ANXA6: variants seen among roughly 807,000 people sequenced by gnomAD.
ANXA6 encodes the protein annexin A6.
ANXA6 carries 71 observed loss-of-function variants against 95.4 expected under a neutral mutation model. The observed-to-expected ratio is 0.74, with a 90% CI of 0.61 to 0.91. The LOEUF is 0.91. Among genes scored for constraint, ANXA6 ranks in the 40% least tolerant of loss-of-function variants. The probability of loss-of-function intolerance (pLI) is 0.00; values close to 1 mark genes in which losing one functional copy is unlikely to be tolerated. For synonymous variants in ANXA6, 289 were observed against 315.9 expected (o/e 0.91, Z 0.90); for missense variants, 830 against 876.4 (o/e 0.95, Z 0.67).
intron 12 of ANXA6, among the ~76,000 whole-genome samples, chr5:151,128,681 A>G (rs1765400112): frequency 6.6e-6 from 1 of 152,244 alleles, no homozygotes; most frequent in Non-Finnish European, 1.5e-5. Flanking sequence ...TATATATTAC[A>G]CAGATGCACA....
chr5:151,152,409 G>C (rs1209142397), intron 1 of ANXA6, among the ~76,000 whole-genome samples: 1 of 152,186 alleles, frequency 6.6e-6, no homozygotes, highest in African/African-American at 2.4e-5. Context: ...TCCTGACCAT[G>C]CAAATTCCGA....
intron 8 of ANXA6, chr5:151,133,391 G>C: frequency 1.8e-6 from 1 of 553,558 alleles, no homozygotes; most frequent in Non-Finnish European, 3.3e-6. Context: ...CTTTGCCATT[G>C]TGTGATCATA....
intron 20 of ANXA6, among the ~76,000 whole-genome samples, chr5:151,114,613 TAA>T (rs61407672): frequency 1.6e-3 from 109 of 70,300 alleles, no homozygotes; most frequent in East Asian, 6.5e-3. Flanking sequence ...GACTCCGTCT[TAA>T]AAAAAAAAAA....
chr5:151,107,644 T>C (rs552638165), intron 23 of ANXA6, among the ~76,000 whole-genome samples: 1 of 152,242 alleles, frequency 6.6e-6, no homozygotes, highest in Non-Finnish European at 1.5e-5. Context: ...AAAAGTGCAT[T>C]GATGCAATGT....
At chr5:151,153,473 G>A (rs138636032) in intron 1 of ANXA6, among the ~76,000 whole-genome samples, 8 of 152,118 alleles carry the variant, frequency 5.3e-5, no homozygotes, top group Non-Finnish European at 1.2e-4. Flanking sequence ...GTATTCCCCC[G>A]CTAGGGTGCT....
intron 22 of ANXA6, 24 bp from the exon 23 acceptor site, chr5:151,108,574 G>A: frequency 1.2e-6 from 2 of 1,606,964 alleles, no homozygotes; most frequent in Non-Finnish European, 1.7e-6. Flanking sequence ...AAGCCCCAGA[G>A]GTGGGGGTGA....
chr5:151,101,496 G>A lies in ANXA6; in HGVS notation c.1974C>T (p.Ser658=), dbSNP rs769574021. The A allele has an allele frequency of 2.0e-5, 31 of 1,560,628 alleles. No homozygotes were observed. Among genetic ancestry groups the A allele is most frequent in the Admixed American group, 9.6e-5 (5 of 52,174 alleles). Residue 658 remains serine, a synonymous_variant, in exon 26 of 26, where the codon TCC becomes TCT. Transcript: ENST00000354546. ...CCAGCAAGGCCTTCAGGAAGTCTCC[G>A]GAGGTGTCACCCTGGCAGAGGCAGA... The part of the protein sequence containing the change: ...SLHQAIEGDT[S]GDFLKALLAL...
chr5:151,140,314 G>T, intron 2 of ANXA6, 71 bp from the exon 3 acceptor site: 2 of 1,286,504 alleles, frequency 1.6e-6, no homozygotes, highest in Non-Finnish European at 2.2e-6. Flanking sequence ...CCAACCTCAG[G>T]TCAGATGCCT....
At chr5:151,148,066 G>A in intron 1 of ANXA6, 140 bp from the exon 2 acceptor site, 1 of 752,130 alleles carries the variant, frequency 1.3e-6, no homozygotes, top group Non-Finnish European at 2.2e-6. Flanking sequence ...CCAGCTCAAG[G>A]CCAATCACAT....
intron 16 of ANXA6, 88 bp from the exon 17 acceptor site, chr5:151,122,348 G>A (rs1765191605): frequency 4.1e-6 from 3 of 724,652 alleles, no homozygotes; most frequent in Middle Eastern, 2.3e-4. Context: ...GAAAACAGGG[G>A]TTCCACATGA....
chr5:151,154,035 C>T (rs1410314008), intron 1 of ANXA6, among the ~76,000 whole-genome samples: 1 of 152,068 alleles, frequency 6.6e-6, no homozygotes, highest in African/African-American at 2.4e-5. Flanking sequence ...GCAAATGGAA[C>T]CATCTACTAT....
chr5:151,109,390 C>T (rs1220214839), intron 22 of ANXA6, among the ~76,000 whole-genome samples: 3 of 152,208 alleles, frequency 2.0e-5, no homozygotes, highest in Non-Finnish European at 2.9e-5. Context: ...CACCACCTCT[C>T]GCTGCCTTGC....
chr5:151,128,376 C>T, intron 12 of ANXA6, 137 bp from the exon 13 acceptor site: 1 of 732,148 alleles, frequency 1.4e-6, no homozygotes, highest in Non-Finnish European at 2.3e-6. Context: ...CCCTCCTGTG[C>T]TGGTTAATAT....
chr5:151,115,301 T>C (rs145916997), intron 20 of ANXA6, among the ~76,000 whole-genome samples: 30 of 152,306 alleles, frequency 2.0e-4, no homozygotes, highest in African/African-American at 6.7e-4. Flanking sequence ...CTCCTTATTT[T>C]CTAGTTTCTA....
At position 151,139,433 on chromosome 5, in the gene ANXA6, C is replaced by G; in HGVS notation, c.124G>C (p.Ala42Pro). 6.2e-7 allele frequency: 1 copy of G among 1,613,422 alleles called. No individual in the cohort carries two copies. The highest frequency in any genetic ancestry group is 8.5e-7 in the Non-Finnish European group (1 of 1,179,480). ...AMKGFGSDKEAILDIITSRSN... is the reference protein window; with the variant it reads ...AMKGFGSDKEPILDIITSRSN... ...CGTGAGGTGATTATGTCCAGTATGGCCTCCTTGTCACTGCCTGGAATAGGG... is the reference window on the plus strand; with the variant it reads ...CGTGAGGTGATTATGTCCAGTATGGGCTCCTTGTCACTGCCTGGAATAGGG... Residue 42 changes from alanine (A) to proline (P), a missense_variant, in exon 4 of 26, where the codon GCC becomes CCC. Physicochemically the swap from Ala to Pro is conservative, Grantham distance 27. Coordinates refer to ENST00000354546, the MANE Select transcript of ANXA6 (RefSeq NM_001155.5).
chr5:151,101,426 A>G lies in ANXA6; in HGVS notation c.*22T>C, dbSNP rs946866319. On this transcript the variant is annotated 3_prime_UTR_variant, in exon 26 of 26. Transcript: ENST00000354546. ...GTGCTGATAACCATTTCTTGGCAGAAGTGCCCGCCAAAGCTGTGGCCCTAG... is the reference window on the plus strand; with the variant it reads ...GTGCTGATAACCATTTCTTGGCAGAGGTGCCCGCCAAAGCTGTGGCCCTAG... 11 of 1,550,528 alleles carry G rather than the reference A, an allele frequency of 7.1e-6. No individual in the cohort carries two copies. In the African/African-American group the frequency reaches 1.5e-4, roughly 21 times the overall value.
At chr5:151,101,875 T>G (rs1764560498) in intron 25 of ANXA6, among the ~76,000 whole-genome samples, 1 of 152,144 alleles carries the variant, frequency 6.6e-6, no homozygotes, top group Non-Finnish European at 1.5e-5. Context: ...AGCAGGGCCC[T>G]CTCCTCTGAG....
chr5:151,120,420 A>G (rs1376055829), intron 17 of ANXA6, among the ~76,000 whole-genome samples: 2 of 143,226 alleles, frequency 1.4e-5, no homozygotes, highest in African/African-American at 5.0e-5. Flanking sequence ...CAACTACAAA[A>G]AAAAAAAAAA....
chr5:151,121,641 T>C (rs79345604), intron 17 of ANXA6, among the ~76,000 whole-genome samples: 7,492 of 152,054 alleles, frequency 0.049, 342 homozygotes, highest in South Asian at 0.19. Context: ...TGTGAGTGAG[T>C]GGCAGGTCTA....
Sources: gnomAD v4.1 joint callset for allele counts (sites outside exome capture counted in the v4.1 genomes callset) on GRCh38, gnomAD v4.1.1 for gene constraint, MANE v1.5 for transcripts, NCBI Gene and HGNC (gene_info 2026-07-23, HGNC 2026-07-21) for gene names.